Variants in SCNN1B observed in about 807,000 individuals in gnomAD.
SCNN1B encodes the protein epithelial sodium channel subunit beta.
Under a neutral mutation model 65.3 loss-of-function variants are expected in SCNN1B, and 46 were observed. The observed-to-expected ratio is 0.70, with a 90% CI of 0.56 to 0.90. The LOEUF is 0.90. Ranked by LOEUF, SCNN1B falls within the 40% of genes least tolerant of loss-of-function variation. The pLI, the probability that SCNN1B is intolerant of heterozygous loss-of-function variation, is 0.00. For synonymous variants in SCNN1B, 349 were observed against 330.6 expected (o/e 1.06, Z -0.60); for missense variants, 751 against 830.5 (o/e 0.90, Z 1.18).
At position 23,291,069 on chromosome 16, in the gene SCNN1B, T is replaced by C. The variant is rs200081294; in HGVS notation, n.178+7265T>C. Among the ~76,000 whole-genome samples the C allele has an allele frequency of 1.9e-4, 7 of 36,710 alleles. No individual in the cohort carries two copies. The African/African-American group carries it at 6.5e-3, about 34-fold the overall frequency. The allele number at this position is 36,710 out of a possible 152,430, so 24.1% of individuals were successfully genotyped here. ...TTCTTCTTTACCACATTTTTTTTTC[T>C]TTTTTTTTTTTTGGCAGCATCTTGC... On this transcript the variant is annotated intron_variant and non_coding_transcript_variant, in intron 2 of 3. Coordinates refer to the SCNN1B transcript ENST00000569789.
chr16:23,379,997 CGTGCATGTGT>C, intron 11 of SCNN1B, 87 bp from the exon 12 acceptor site: 5 of 909,116 alleles, frequency 5.5e-6, no homozygotes, highest in Non-Finnish European at 9.3e-6. Flanking sequence ...GGTGTGTGCA[CGTGCATGTGT>C]GTGCATGTGT....
chr16:23,331,867 G>A (rs1316513376), intron 1 of SCNN1B, among the ~76,000 whole-genome samples: 1 of 152,122 alleles, frequency 6.6e-6, no homozygotes, highest in African/African-American at 2.4e-5. Flanking sequence ...ATAAAGGGGT[G>A]GGAGGAACTT....
Position 23,284,127 on chromosome 16 carries a change from G to A in SCNN1B, n.178+323G>A, listed in dbSNP as rs373554027. Among the ~76,000 whole-genome samples, 11 of 152,284 alleles carry A rather than the reference G, an allele frequency of 7.2e-5. 2 individuals carry two copies. Among genetic ancestry groups the A allele is most frequent in the East Asian group, 1.9e-4 (1 of 5,188 alleles). ...TGCATTAGAAATGTTAGGGATGGCCGAGTGCAGTGGCTCGCACCTGTAATC... is the reference window on the plus strand; with the variant it reads ...TGCATTAGAAATGTTAGGGATGGCCAAGTGCAGTGGCTCGCACCTGTAATC... On this transcript the variant is annotated intron_variant and non_coding_transcript_variant, in intron 2 of 3. Transcript: ENST00000569789.
chr16:23,313,845 C>T (rs903905395), intron 1 of SCNN1B, among the ~76,000 whole-genome samples: 14 of 152,238 alleles, frequency 9.2e-5, no homozygotes, highest in African/African-American at 3.1e-4. Context: ...CTCTTGACCT[C>T]GTGATCTGCC....
chr16:23,338,572 G>T (rs556956202), intron 1 of SCNN1B, among the ~76,000 whole-genome samples: 2 of 152,302 alleles, frequency 1.3e-5, no homozygotes, highest in South Asian at 4.2e-4. Flanking sequence ...GAAAGCATCT[G>T]ACCTGCAATT....
rs188331044 is a variant in SCNN1B at position 23,351,117 on chromosome 16, C to G, written c.312-1684C>G. Reference sequence around the variant, plus strand: ...GAAGGGAATTCTCACATAGTGATTACTTTCCCAATTATCAGAAAGTCCCTT... The same window carrying G: ...GAAGGGAATTCTCACATAGTGATTAGTTTCCCAATTATCAGAAAGTCCCTT... On this transcript the variant is annotated intron_variant, in intron 2 of 12. Transcript: ENST00000343070. Among the ~76,000 whole-genome samples, 27 of 152,246 alleles carry G rather than the reference C, an allele frequency of 1.8e-4. No individual in the cohort carries two copies. The East Asian group carries it at 5.2e-3, about 29-fold the overall frequency.
At chr16:23,310,368 C>A (rs1961316314) in intron 1 of SCNN1B, among the ~76,000 whole-genome samples, 1 of 150,348 alleles carries the variant, frequency 6.7e-6, no homozygotes, top group Admixed American at 6.6e-5. Context: ...CTGTTATGAC[C>A]AATAATTATT....
At position 23,351,012 on chromosome 16, in the gene SCNN1B, T is replaced by A. The variant is rs148778158; in HGVS notation, c.312-1789T>A. ...TCAGAGCATGTTGGGAGGCCGAGGC[T>A]TAAGGATCACTTGAAGCCAGGAGTT... On this transcript the variant is annotated intron_variant, in intron 2 of 12. Transcript: ENST00000343070. Among the ~76,000 whole-genome samples the A allele has an allele frequency of 1.2e-3, 180 of 152,158 alleles. 1 individual carries two copies. Among genetic ancestry groups the A allele is most frequent in the African/African-American group, 4.2e-3 (176 of 41,522 alleles).
At chr16:23,346,186 C>A (rs1962181345) in intron 1 of SCNN1B, among the ~76,000 whole-genome samples, 1 of 136,516 alleles carries the variant, frequency 7.3e-6, no homozygotes, top group Admixed American at 7.1e-5. Context: ...CATGGAACAC[C>A]CTTTTTTCCT....
chr16:23,375,725 C>G lies in SCNN1B; in HGVS notation c.1153-13C>G, dbSNP rs759967529. The G allele has an allele frequency of 2.5e-6, 4 of 1,589,342 alleles. No homozygotes were observed. The highest frequency in any genetic ancestry group is 3.5e-6 in the Non-Finnish European group (4 of 1,157,558). On this transcript the variant is annotated splice_polypyrimidine_tract_variant and intron_variant, in intron 7 of 12. Coordinates refer to ENST00000343070, the MANE Select transcript of SCNN1B (RefSeq NM_000336.3). ...CCTGTGTTCTCTCCTTATGAACCCCCTACCCTCCCCAGGCCTGTCTTCGCT... is the reference window on the plus strand; with the variant it reads ...CCTGTGTTCTCTCCTTATGAACCCCGTACCCTCCCCAGGCCTGTCTTCGCT...
chr16:23,305,558 A>AAAAATAT (rs1567290340), intron 1 of SCNN1B, among the ~76,000 whole-genome samples: 2 of 39,590 alleles, frequency 5.1e-5, no homozygotes, highest in African/African-American at 1.8e-4. Flanking sequence ...ATATATATAT[A>AAAAATAT]TATATATATA....
At chr16:23,306,885 C>G (rs186269983) in intron 1 of SCNN1B, among the ~76,000 whole-genome samples, 407 of 152,216 alleles carry the variant, frequency 2.7e-3, no homozygotes, top group African/African-American at 9.6e-3. Flanking sequence ...TGTGATGGCG[C>G]GTGAGGCAGG....
chr16:23,312,828 A>C (rs1218340094), intron 1 of SCNN1B, among the ~76,000 whole-genome samples: 2 of 152,066 alleles, frequency 1.3e-5, no homozygotes. Context: ...TGGCCACAGG[A>C]TGGTGAGCCC....
rs1190523393 is a variant in SCNN1B, at chr16:23,330,465, T to TC, written c.-8-18122dup. On this transcript the variant is annotated intron_variant, in intron 1 of 12. Coordinates refer to ENST00000343070, the MANE Select transcript of SCNN1B (RefSeq NM_000336.3). ...GCCAGACAGGATTCTGAGGGGCATT[T>TC]CCCCCAGCGCCTTGCTTTCGGATCC... Among the ~76,000 whole-genome samples the TC allele has an allele frequency of 2.0e-5, 3 of 152,272 alleles. No individual in the cohort carries two copies. The East Asian group carries it at 5.8e-4, about 29-fold the overall frequency.
intron 7 of SCNN1B, among the ~76,000 whole-genome samples, chr16:23,373,937 G>C (rs1567317326): frequency 6.6e-6 from 1 of 152,108 alleles, no homozygotes; most frequent in Non-Finnish European, 1.5e-5. Flanking sequence ...GTTTCTTCCG[G>C]TGTGGTAGCC....
chr16:23,300,342 A>G (rs1452886040), upstream of SCNN1B, among the ~76,000 whole-genome samples: 1 of 151,788 alleles, frequency 6.6e-6, no homozygotes, highest in African/African-American at 2.4e-5. Flanking sequence ...AAGTATAATA[A>G]TAATAAATAA....
At chr16:23,343,601 AAGAAAG>A (rs1201360062) in intron 1 of SCNN1B, among the ~76,000 whole-genome samples, 1 of 113,730 alleles carries the variant, frequency 8.8e-6, no homozygotes, top group Non-Finnish European at 1.8e-5. Flanking sequence ...GAAAGAAAGA[AAGAAAG>A]AAAGAAAGAA....
intron 1 of SCNN1B, among the ~76,000 whole-genome samples, chr16:23,338,455 GGTTAA>G (rs1372635075): frequency 1.3e-5 from 2 of 152,158 alleles, no homozygotes; most frequent in Non-Finnish European, 2.9e-5. Flanking sequence ...TCCACTTTCA[GGTTAA>G]CCTTCAATTA....
chr16:23,367,769 G>T, intron 4 of SCNN1B, 87 bp from the exon 5 acceptor site: 2 of 1,054,472 alleles, frequency 1.9e-6, no homozygotes, highest in South Asian at 2.5e-5. Context: ...GCCCCTCCAA[G>T]GAGGAAATGA....
Sources: allele counts gnomAD v4.1 joint callset (sites outside exome capture counted in the v4.1 genomes callset), GRCh38; gene constraint gnomAD v4.1.1; transcripts MANE v1.5; gene names NCBI Gene and HGNC (gene_info 2026-07-23, HGNC 2026-07-21).